The following TBC1D9 variants were observed in gnomAD, a reference collection of about 807,000 sequenced individuals.
TBC1D9 encodes the protein TBC1 domain family member 9A.
TBC1D9 carries 63 observed loss-of-function variants against 132.0 expected under a neutral mutation model. The ratio of observed to expected loss-of-function variants is 0.48; its 90% CI spans 0.39 to 0.59. The LOEUF is 0.59. TBC1D9 is among the 20% of genes least tolerant of loss of function. TBC1D9 has a pLI of 0.00. For synonymous variants in TBC1D9, 610 were observed against 609.9 expected (o/e 1.00, Z 0.00); for missense variants, 1,261 against 1,592.7 (o/e 0.79, Z 3.54).
intron 2 of TBC1D9, among the ~76,000 whole-genome samples, chr4:140,697,796 C>A (rs1264065014): frequency 6.6e-6 from 1 of 152,076 alleles, no homozygotes; most frequent in Non-Finnish European, 1.5e-5. Context: ...ATGTCAATGA[C>A]AACAAAGGTA....
chr4:140,634,279 G>A (rs1736843206), intron 15 of TBC1D9, 91 bp from the exon 16 acceptor site: 1 of 1,519,776 alleles, frequency 6.6e-7, no homozygotes, highest in Non-Finnish European at 8.8e-7. Context: ...AGGGCTTTAG[G>A]TGAATCTGTG....
At chr4:140,676,258 G>A (rs553152030) in intron 6 of TBC1D9, among the ~76,000 whole-genome samples, 8 of 152,194 alleles carry the variant, frequency 5.3e-5, no homozygotes, top group African/African-American at 1.9e-4. Flanking sequence ...CCAGCACATC[G>A]CGTGGCATGC....
intron 9 of TBC1D9, among the ~76,000 whole-genome samples, chr4:140,665,714 T>C (rs1163160143): frequency 6.6e-6 from 1 of 152,136 alleles, no homozygotes; most frequent in East Asian, 1.9e-4. Context: ...TCTTGCTGAG[T>C]CACCCAAGCT....
intron 1 of TBC1D9, among the ~76,000 whole-genome samples, chr4:140,722,774 T>C (rs1738443238): frequency 6.6e-6 from 1 of 152,216 alleles, no homozygotes; most frequent in Non-Finnish European, 1.5e-5. Context: ...AAGACTCTCA[T>C]CACTACTTTG....
At chr4:140,656,954 G>T in intron 13 of TBC1D9, 143 bp downstream of exon 13, 1 of 1,025,230 alleles carries the variant, frequency 9.8e-7, no homozygotes, top group Non-Finnish European at 1.3e-6. Context: ...CCTTGATTTG[G>T]GGCGTCCCAA....
In TBC1D9 at chr4:140,686,354, C is replaced by T. The variant is rs1410640443; in HGVS notation, c.350G>A (p.Gly117Glu). 1 of 1,566,550 alleles carries T rather than the reference C, an allele frequency of 6.4e-7. No individual in the cohort carries two copies. The highest frequency in any genetic ancestry group is 8.7e-7 in the Non-Finnish European group (1 of 1,144,808). ...NENDITTFVRGKIQGIIAEYN... is the reference protein window; with the variant it reads ...NENDITTFVREKIQGIIAEYN... ...CTTTTATCCCACTACCTGTATTTTT[C>T]CTCTCACAAATGTGGTGATATCATT... The change falls in exon 3 of 21, where the codon GGA (glycine) becomes GAA (glutamate). Residue 117 changes from glycine (G) to glutamate (E), a missense_variant. This residue lies in a region of TBC1D9 where 550 missense variants were observed against 699.0 expected (regional missense o/e 0.79). Coordinates refer to ENST00000442267, the MANE Select transcript of TBC1D9 (RefSeq NM_015130.3).
At chr4:140,642,271 C>T (rs1560870324) in intron 13 of TBC1D9, 6 of 707,664 alleles carry the variant, frequency 8.5e-6, no homozygotes, top group African/African-American at 3.5e-5. Context: ...TAGCTGCTCA[C>T]TTCGGAGGCA....
chr4:140,647,860 G>T (rs1009568398), intron 13 of TBC1D9, among the ~76,000 whole-genome samples: 3 of 152,030 alleles, frequency 2.0e-5, no homozygotes, highest in Non-Finnish European at 4.4e-5. Context: ...ATTTCTGGAG[G>T]ATTTGTAAAG....
chr4:140,660,305 T>C (rs1737337070), intron 10 of TBC1D9, among the ~76,000 whole-genome samples: 1 of 152,204 alleles, frequency 6.6e-6, no homozygotes, highest in South Asian at 2.1e-4. Flanking sequence ...ATAACCACTC[T>C]AGACTCAACT....
rs111750403 is a variant in TBC1D9, at chr4:140,744,798, G to A, written c.130+11118C>T. 3.4e-3 allele frequency among the ~76,000 whole-genome samples: 514 copies of A among 149,540 alleles called. 8 individuals are homozygous for A. Among genetic ancestry groups the A allele is most frequent in the African/African-American group, 0.011 (458 of 40,594 alleles). On this transcript the variant is annotated intron_variant, in intron 1 of 20. Transcript: ENST00000442267. ...CTTCAAAGGCTGAGACAGGAGAATCGCTTGAACCTGGGAGATAGAGATTGC... is the reference window on the plus strand; with the variant it reads ...CTTCAAAGGCTGAGACAGGAGAATCACTTGAACCTGGGAGATAGAGATTGC...
In TBC1D9 at chr4:140,705,391, C is replaced by A. The variant is rs549441522; in HGVS notation, c.131-3777G>T. Among the ~76,000 whole-genome samples, 146 of 152,258 alleles carry A rather than the reference C, an allele frequency of 9.6e-4. 2 individuals carry two copies. Among genetic ancestry groups the A allele is most frequent in the Middle Eastern group, 3.4e-3 (1 of 294 alleles). On this transcript the variant is annotated intron_variant, in intron 1 of 20. Transcript: ENST00000442267. The stretch of plus-strand genomic sequence containing the variant: ...CCCATTTTTTCCTCTTCTCTCCAGA[C>A]TGAGAGTTCCTTGAGGGCAGGGTCT...
intron 6 of TBC1D9, among the ~76,000 whole-genome samples, chr4:140,673,343 AAGTGAAACAAC>A (rs1737567232): frequency 6.6e-6 from 1 of 152,168 alleles, no homozygotes; most frequent in African/African-American, 2.4e-5. Flanking sequence ...TAAAAAAATT[AAGTGAAACAAC>A]AATTCTTGGT....
chr4:140,694,270 C>T (rs966890393), intron 2 of TBC1D9, among the ~76,000 whole-genome samples: 4 of 152,010 alleles, frequency 2.6e-5, no homozygotes, highest in African/African-American at 9.7e-5. Flanking sequence ...CATAAAATAT[C>T]TACTTATTAA....
chr4:140,695,557 A>C (rs955365008), intron 2 of TBC1D9, among the ~76,000 whole-genome samples: 3 of 152,130 alleles, frequency 2.0e-5, no homozygotes, highest in African/African-American at 7.2e-5. Flanking sequence ...TTTGTTTCTA[A>C]TTCTCCTGAG....
chr4:140,642,711 TG>T (rs1737024259), intron 13 of TBC1D9: 2 of 660,786 alleles, frequency 3.0e-6, no homozygotes, highest in South Asian at 1.9e-5. Context: ...TGTTCCTCCT[TG>T]GGCCCTTTGT....
intron 1 of TBC1D9, among the ~76,000 whole-genome samples, chr4:140,741,832 C>G (rs1738763099): frequency 6.6e-6 from 1 of 152,186 alleles, no homozygotes; most frequent in South Asian, 2.1e-4. Context: ...TATCTTAACC[C>G]AGAAACTCCT....
intron 2 of TBC1D9, among the ~76,000 whole-genome samples, chr4:140,689,240 C>G (rs142638888): frequency 4.1e-4 from 62 of 152,288 alleles, no homozygotes; most frequent in Non-Finnish European, 8.1e-4. Context: ...TCACCATGCT[C>G]TGCCCTTTAC....
chr4:140,657,467 A>G (rs748659302), intron 12 of TBC1D9, 60 bp downstream of exon 12: 1 of 1,529,090 alleles, frequency 6.5e-7, no homozygotes, highest in Non-Finnish European at 8.9e-7. Flanking sequence ...TCATGAAATG[A>G]AGAGAAAGCA....
Position 140,621,452 on chromosome 4 carries a change from CTG to C in TBC1D9, c.*741_*742del, listed in dbSNP as rs1213916284. 6.6e-6 allele frequency: 1 copy of C among 152,194 alleles called. No homozygotes were observed. Among genetic ancestry groups the C allele is most frequent in the Non-Finnish European group, 1.5e-5 (1 of 68,022 alleles). 9.4% of individuals were successfully genotyped at this position (152,194 alleles called of 1,614,324 possible). On this transcript the variant is annotated 3_prime_UTR_variant, in exon 21 of 21. Transcript: ENST00000442267. Reference sequence around the variant, plus strand: ...CTTTCAGATTCTCTGTGACAAAAGACTGTTACTTTTCACTGAATTCTAATGAG... The same window carrying C: ...CTTTCAGATTCTCTGTGACAAAAGACTTACTTTTCACTGAATTCTAATGAG...
Sources: allele counts gnomAD v4.1 joint callset (sites outside exome capture counted in the v4.1 genomes callset), GRCh38; gene constraint gnomAD v4.1.1; regional missense constraint gnomAD v4.1.1; transcripts MANE v1.5; gene names NCBI Gene and HGNC (gene_info 2026-07-23, HGNC 2026-07-21).